Variants in TBC1D4 observed in about 807,000 individuals in gnomAD.
The protein encoded by TBC1D4 is TBC1 domain family member 4.
Under a neutral mutation model 142.5 loss-of-function variants are expected in TBC1D4, and 121 were observed. That is an observed-to-expected ratio of 0.85 (90% CI 0.73 to 0.99). The LOEUF is 0.99. TBC1D4 is among the 50% of genes least tolerant of loss of function. The pLI is 0.00. For missense variants in TBC1D4, 1,475 were observed against 1,606.6 expected (o/e 0.92, Z 1.40); for synonymous variants, 630 against 628.2 (o/e 1.00, Z -0.04).
rs1274649917 is a variant in TBC1D4 at position 75,310,072 on chromosome 13, C to G, written c.2463G>C (p.Leu821=). ...TMEEEPLVVF[L]SGEDDPEKIE... ...TCTTTTCTGGGTCATCCTCCCCAGACAGGAATACAACCAGCGGTTCCTCCT... is the reference window on the plus strand; with the variant it reads ...TCTTTTCTGGGTCATCCTCCCCAGAGAGGAATACAACCAGCGGTTCCTCCT... The change falls in exon 14 of 21, where the codon CTG becomes CTC. Residue 821 remains leucine, a synonymous_variant. Transcript: ENST00000377636. The G allele has an allele frequency of 1.1e-5, 18 of 1,614,104 alleles. No individual in the cohort carries two copies. Among genetic ancestry groups the G allele is most frequent in the Non-Finnish European group, 1.4e-5 (17 of 1,180,006 alleles).
At chr13:75,395,998 G>A (rs187741451) in intron 1 of TBC1D4, among the ~76,000 whole-genome samples, 95 of 152,166 alleles carry the variant, frequency 6.2e-4, no homozygotes, top group South Asian at 3.9e-3. Context: ...ATTGGCTCTG[G>A]ACTTCCTCAA....
chr13:75,326,142 T>A lies in TBC1D4; in HGVS notation c.2033+55A>T, dbSNP rs931878505. 9 of 1,592,950 alleles carry A rather than the reference T, an allele frequency of 5.6e-6. No individual in the cohort carries two copies. In the Admixed American group the frequency reaches 1.2e-4, roughly 21 times the overall value. Reference sequence around the variant, plus strand: ...ACAATCCACCTTGACTCCAGAGTAATCAAAACTGTGTGCCTTGAGAATCTA... The same window carrying A: ...ACAATCCACCTTGACTCCAGAGTAAACAAAACTGTGTGCCTTGAGAATCTA... On this transcript the variant is annotated intron_variant, in intron 10 of 20. Transcript: ENST00000377636.
At chr13:75,427,400 GTGCAGTGGCTTA>G (rs1267079215) in intron 1 of TBC1D4, among the ~76,000 whole-genome samples, 2 of 152,202 alleles carry the variant, frequency 1.3e-5, no homozygotes, top group Non-Finnish European at 2.9e-5. Flanking sequence ...TTCAAGATGG[GTGCAGTGGCTTA>G]TGCCTGTAAT....
At chr13:75,304,895 G>C (rs1207973867) in intron 15 of TBC1D4, among the ~76,000 whole-genome samples, 2 of 152,130 alleles carry the variant, frequency 1.3e-5, no homozygotes, top group Non-Finnish European at 2.9e-5. Context: ...ACAATACAAG[G>C]TAAGGAGAGA....
intron 1 of TBC1D4, among the ~76,000 whole-genome samples, chr13:75,446,519 C>T (rs2147852): frequency 0.21 from 31,749 of 152,158 alleles, 3,755 homozygotes; most frequent in Admixed American, 0.27. Context: ...CATGTGTTAA[C>T]GTAGTTTTTA....
Position 75,338,839 on chromosome 13 carries a change from G to A in TBC1D4, c.1612-1799C>T, listed in dbSNP as rs147729952. On this transcript the variant is annotated intron_variant, in intron 7 of 20. Transcript: ENST00000377636. Reference sequence around the variant, plus strand: ...CTCTCGTCTGCTTTCTTTATTTCCCGGCTCTGTTTCATCAAATTTCCCCAC... The same window carrying A: ...CTCTCGTCTGCTTTCTTTATTTCCCAGCTCTGTTTCATCAAATTTCCCCAC... Among the ~76,000 whole-genome samples the A allele has an allele frequency of 3.6e-3, 548 of 151,820 alleles. 2 individuals carry two copies. Among genetic ancestry groups the A allele is most frequent in the African/African-American group, 0.013 (526 of 41,368 alleles).
chr13:75,349,088 C>G, intron 5 of TBC1D4, 82 bp downstream of exon 5: 11 of 1,585,302 alleles, frequency 6.9e-6, no homozygotes, highest in Non-Finnish European at 7.8e-6. Context: ...AAACAAAGAA[C>G]TATTCAATGA....
At chr13:75,354,450 G>A (rs573868721) in intron 4 of TBC1D4, among the ~76,000 whole-genome samples, 1 of 152,306 alleles carries the variant, frequency 6.6e-6, no homozygotes, top group South Asian at 2.1e-4. Context: ...ATGGAGAAAA[G>A]AGACATTCTT....
chr13:75,442,765 G>A (rs1171522614), intron 1 of TBC1D4, among the ~76,000 whole-genome samples: 18 of 150,368 alleles, frequency 1.2e-4, no homozygotes, highest in Admixed American at 3.3e-4. Context: ...GCAACAGAGC[G>A]AGACTCGGTT....
At position 75,324,281 on chromosome 13, in the gene TBC1D4, G is replaced by A. The variant is rs200600107; in HGVS notation, c.2154C>T (p.Tyr718=). The part of the protein sequence containing the change: ...FTAPSFLKSF[Y]QNSGRLSPQY... The stretch of plus-strand genomic sequence containing the variant: ...GTGGGGACAGTCTACCTGAATTCTG[G>A]TAAAAGCTTTTCAGGAAAGAGGGGG... The change falls in exon 11 of 21, where the codon TAC becomes TAT. Residue 718 remains tyrosine, a synonymous_variant. Coordinates refer to ENST00000377636, the MANE Select transcript of TBC1D4 (RefSeq NM_014832.5). 6.6e-4 allele frequency: 1,066 copies of A among 1,613,916 alleles called. 1 individual carries two copies. Among genetic ancestry groups the A allele is most frequent in the Non-Finnish European group, 8.1e-4 (957 of 1,179,850 alleles).
chr13:75,437,271 T>A (rs146328716), intron 1 of TBC1D4, among the ~76,000 whole-genome samples: 1 of 152,306 alleles, frequency 6.6e-6, no homozygotes, highest in East Asian at 1.9e-4. Flanking sequence ...ATGGTGTCCT[T>A]GATTTCAGGA....
chr13:75,405,564 G>A (rs778092932), intron 1 of TBC1D4, among the ~76,000 whole-genome samples: 4 of 152,116 alleles, frequency 2.6e-5, no homozygotes, highest in South Asian at 2.1e-4. Flanking sequence ...GAGCCACTGC[G>A]CCTGGTCATA....
At chr13:75,353,344 C>T (rs1881771216) in intron 4 of TBC1D4, among the ~76,000 whole-genome samples, 1 of 152,230 alleles carries the variant, frequency 6.6e-6, no homozygotes, top group Non-Finnish European at 1.5e-5. Flanking sequence ...CCAGTGATCA[C>T]AGATGAACCA....
chr13:75,387,332 T>C (rs1241750648), intron 1 of TBC1D4, among the ~76,000 whole-genome samples: 1 of 152,230 alleles, frequency 6.6e-6, no homozygotes, highest in East Asian at 1.9e-4. Flanking sequence ...TGGTTAATAT[T>C]ATCTTTTGAC....
intron 1 of TBC1D4, among the ~76,000 whole-genome samples, chr13:75,392,915 C>T (rs1884566506): frequency 6.6e-6 from 1 of 152,138 alleles, no homozygotes; most frequent in Non-Finnish European, 1.5e-5. Context: ...GCTGGAATTA[C>T]AGGAGTGAGC....
intron 1 of TBC1D4, among the ~76,000 whole-genome samples, chr13:75,383,061 C>A (rs967592707): frequency 3.3e-5 from 5 of 152,216 alleles, no homozygotes; most frequent in Admixed American, 1.3e-4. Flanking sequence ...GAGGCTCACG[C>A]CCATAATCCC....
At chr13:75,405,526 C>T (rs1347080141) in intron 1 of TBC1D4, among the ~76,000 whole-genome samples, 1 of 152,114 alleles carries the variant, frequency 6.6e-6, no homozygotes, top group East Asian at 1.9e-4. Context: ...CCCGCCTTGG[C>T]CTCCCAAAGT....
At chr13:75,319,038 A>G (rs1162725730) in intron 12 of TBC1D4, among the ~76,000 whole-genome samples, 1 of 152,204 alleles carries the variant, frequency 6.6e-6, no homozygotes, top group African/African-American at 2.4e-5. Context: ...TTCCATACCT[A>G]AAAGGACACA....
At chr13:75,326,487 A>C in intron 9 of TBC1D4, 64 bp from the exon 10 acceptor site, 1 of 1,544,466 alleles carries the variant, frequency 6.5e-7, no homozygotes, top group Non-Finnish European at 8.9e-7. Context: ...CTGCCAAAAC[A>C]CAGAGCTCAA....
Sources: gnomAD v4.1 joint callset for allele counts (sites outside exome capture counted in the v4.1 genomes callset) on GRCh38, gnomAD v4.1.1 for gene constraint, MANE v1.5 for transcripts, NCBI Gene and HGNC (gene_info 2026-07-23, HGNC 2026-07-21) for gene names.